Variants in P2RX1 observed in about 807,000 individuals in gnomAD.
The protein encoded by P2RX1 is P2X purinoceptor 1.
A neutral mutation model predicts 50.3 loss-of-function variants in P2RX1; 42 were observed. The observed-to-expected ratio is 0.83, with a 90% CI of 0.65 to 1.08. P2RX1 has a LOEUF of 1.08. Among genes scored for constraint, P2RX1 ranks in the 50% least tolerant of loss-of-function variants. P2RX1 has a pLI of 0.00. For missense variants in P2RX1, 449 were observed against 529.0 expected, an observed-to-expected ratio of 0.85 and a Z score of 1.48; for synonymous variants, 199 against 202.6, an observed-to-expected ratio of 0.98 and a Z score of 0.15.
intron 1 of P2RX1, among the ~76,000 whole-genome samples, chr17:3,905,588 G>A (rs562807375): frequency 1.2e-4 from 19 of 152,138 alleles, no homozygotes; most frequent in Non-Finnish European, 2.5e-4. Context: ...CAGGACGGGC[G>A]TGCCATCCCA....
rs2144102072 is a variant in P2RX1, at chr17:3,916,324, G to A, written c.-99C>T. ...CCACGTCGATGGTAGAGCTTCTGGG[G>A]GCTTCCTGGCCCCTTAGGAAGAGCA... On this transcript the variant is annotated 5_prime_UTR_variant, in exon 1 of 12. Transcript: ENST00000225538. 7.2e-7 allele frequency: 1 copy of A among 1,380,750 alleles called. No homozygotes were observed. The highest frequency in any genetic ancestry group is 1.4e-5 in the African/African-American group (1 of 69,598). The allele number at this position is 1,380,750 out of a possible 1,614,324, so 85.5% of individuals were successfully genotyped here. A position where few individuals can be genotyped will look rare whatever the true frequency, so the allele number is the denominator to read the frequency against.
intron 1 of P2RX1, 119 bp downstream of exon 1, chr17:3,915,970 G>A: frequency 2.5e-6 from 3 of 1,183,938 alleles, no homozygotes; most frequent in Middle Eastern, 1.9e-4. Flanking sequence ...TTGCCAGGAA[G>A]GCCTTCCCCT....
At chr17:3,915,942 C>A in intron 1 of P2RX1, 147 bp downstream of exon 1, 1 of 999,482 alleles carries the variant, frequency 1.0e-6, no homozygotes. Context: ...GCAGGATTTT[C>A]TATTCTCGCA....
Position 3,897,451 on chromosome 17 carries a change from T to C in P2RX1, c.*363A>G, listed in dbSNP as rs920113661. On this transcript the variant is annotated 3_prime_UTR_variant, in exon 12 of 12. Transcript: ENST00000225538. ...AATTTAGTCACCTATGGTTACTGAC[T>C]GCCACATCGGAGAGCACAGATCTAG... The C allele has an allele frequency of 6.7e-5, 26 of 385,260 alleles. No individual in the cohort carries two copies. In the South Asian group the frequency reaches 7.4e-4, roughly 11 times the overall value. The allele number at this position is 385,260 out of a possible 1,614,324, so 23.9% of individuals were successfully genotyped here.
chr17:3,897,775 G>A lies in P2RX1; in HGVS notation c.*39C>T. The A allele has an allele frequency of 6.3e-7, 1 of 1,594,004 alleles. No individual in the cohort carries two copies. On this transcript the variant is annotated 3_prime_UTR_variant, in exon 12 of 12. Transcript: ENST00000225538. ...GGACCCACCAGGGCTCCAGGCTGAAGCCTCACGCTGCACCCAGTCAGGAGT... is the reference window on the plus strand; with the variant it reads ...GGACCCACCAGGGCTCCAGGCTGAAACCTCACGCTGCACCCAGTCAGGAGT...
At chr17:3,911,383 T>G (rs1200418956) in intron 1 of P2RX1, among the ~76,000 whole-genome samples, 1 of 152,286 alleles carries the variant, frequency 6.6e-6, no homozygotes, top group East Asian at 1.9e-4. Flanking sequence ...CACTTCCCAC[T>G]TCTCTTGAGA....
intron 1 of P2RX1, among the ~76,000 whole-genome samples, chr17:3,906,632 C>T (rs576895282): frequency 8.8e-4 from 134 of 152,170 alleles, no homozygotes; most frequent in Non-Finnish European, 1.7e-3. Flanking sequence ...GCCCCTCGGT[C>T]GAGGCACTGT....
chr17:3,905,175 G>A, intron 2 of P2RX1, 45 bp downstream of exon 2: 1 of 1,604,798 alleles, frequency 6.2e-7, no homozygotes, highest in Non-Finnish European at 8.5e-7. Context: ...ACCCAACTCT[G>A]AGACAGGCCC....
chr17:3,905,948 G>A lies in P2RX1; in HGVS notation c.138-581C>T, dbSNP rs564795191. On this transcript the variant is annotated intron_variant, in intron 1 of 11. Coordinates refer to ENST00000225538, the MANE Select transcript of P2RX1 (RefSeq NM_002558.4). ...GAGTTTGCTGGGGCCTGGAGGCCAA[G>A]CCTCCTCCTTCCAGGGTGCTCCTCC... Among the ~76,000 whole-genome samples the A allele has an allele frequency of 4.0e-4, 61 of 151,962 alleles. 1 individual carries two copies. The highest frequency in any genetic ancestry group is 1.4e-3 in the African/African-American group (59 of 41,392).
At position 3,908,289 on chromosome 17, in the gene P2RX1, G is replaced by A. The variant is rs139376543; in HGVS notation, c.138-2922C>T. 5.9e-3 allele frequency among the ~76,000 whole-genome samples: 895 copies of A among 152,300 alleles called. 9 individuals carry two copies. Among genetic ancestry groups the A allele is most frequent in the African/African-American group, 0.02 (842 of 41,560 alleles). On this transcript the variant is annotated intron_variant, in intron 1 of 11. Coordinates refer to ENST00000225538, the MANE Select transcript of P2RX1 (RefSeq NM_002558.4). The stretch of plus-strand genomic sequence containing the variant: ...AATAGAATGACTATGGGCTGGGCGC[G>A]GTGGCTCATGCCTGTAATCTCAGCA...
chr17:3,910,038 G>A (rs1020084577), intron 1 of P2RX1, among the ~76,000 whole-genome samples: 5 of 146,612 alleles, frequency 3.4e-5, no homozygotes, highest in South Asian at 2.2e-4. Flanking sequence ...GCAATGAGGC[G>A]ATCTAGGCTC....
chr17:3,897,765 C>T lies in P2RX1; in HGVS notation c.*49G>A, dbSNP rs375567041. ...GCCCTGGCTGGGACCCACCAGGGCT[C>T]CAGGCTGAAGCCTCACGCTGCACCC... On this transcript the variant is annotated 3_prime_UTR_variant, in exon 12 of 12. Transcript: ENST00000225538. The T allele has an allele frequency of 1.3e-6, 2 of 1,571,910 alleles. No homozygotes were observed. Among genetic ancestry groups the T allele is most frequent in the African/African-American group, 1.4e-5 (1 of 73,936 alleles).
chr17:3,913,452 C>A (rs1479901396), intron 1 of P2RX1, among the ~76,000 whole-genome samples: 1 of 152,196 alleles, frequency 6.6e-6, no homozygotes, highest in Non-Finnish European at 1.5e-5. Context: ...TTAACTGGAT[C>A]TGAGAGGGTC....
Position 3,903,503 on chromosome 17 carries a change from A to G in P2RX1, c.605+48T>C. The stretch of plus-strand genomic sequence containing the variant: ...GACAGAGACAGCTGAGAGCTGCCGG[A>G]GCGGCCCCGGCCAGCTGCCTGCATT... On this transcript the variant is annotated intron_variant, in intron 6 of 11. Transcript: ENST00000225538. The surrounding 1 kb of genome is among the most constrained non-coding windows in gnomAD (Gnocchi z 4.6). 1 of 1,598,674 alleles carries G rather than the reference A, an allele frequency of 6.3e-7. No individual in the cohort carries two copies. Among genetic ancestry groups the G allele is most frequent in the East Asian group, 2.2e-5 (1 of 44,772 alleles).
At position 3,901,345 on chromosome 17, in the gene P2RX1, G is replaced by A. The variant is rs528854117; in HGVS notation, c.748-1584C>T. On this transcript the variant is annotated intron_variant, in intron 7 of 11. Coordinates refer to ENST00000225538, the MANE Select transcript of P2RX1 (RefSeq NM_002558.4). ...GCCTCCCAAAGTGCTGGGATTACAG[G>A]CGTGAGCCACCGCACCCAGCCCTGA... 1.1e-4 allele frequency among the ~76,000 whole-genome samples: 16 copies of A among 152,358 alleles called. No homozygotes were observed. In the South Asian group the frequency reaches 2.5e-3, roughly 24 times the overall value.
chr17:3,906,158 G>A (rs538815519), intron 1 of P2RX1, among the ~76,000 whole-genome samples: 8 of 151,950 alleles, frequency 5.3e-5, no homozygotes, highest in African/African-American at 7.2e-5. Context: ...TTGAGACGGA[G>A]TCTCGCTTTG....
In P2RX1 at chr17:3,904,354, C is replaced by T. The variant is rs1274877243; in HGVS notation, c.403G>A (p.Gly135Arg). 7 of 1,613,922 alleles carry T rather than the reference C, an allele frequency of 4.3e-6. No homozygotes were observed. Among genetic ancestry groups the T allele is most frequent in the Non-Finnish European group, 4.2e-6 (5 of 1,179,982 alleles). Reference protein sequence around the residue: ...ICKEDSGCTPGKAKRKAQGIR... With the variant: ...ICKEDSGCTPRKAKRKAQGIR... The stretch of plus-strand genomic sequence containing the variant: ...CCTTGGGCCTTCCTCTTGGCCTTCC[C>T]AGGGGTACAGCCACTGTCTTCCTTG... Residue 135 changes from glycine to arginine, a missense_variant, in exon 4 of 12, where the codon GGG (glycine) becomes AGG (arginine). Coordinates refer to ENST00000225538, the MANE Select transcript of P2RX1 (RefSeq NM_002558.4).
chr17:3,905,435 A>G (rs2144022191), intron 1 of P2RX1, 68 bp from the exon 2 acceptor site: 2 of 1,577,216 alleles, frequency 1.3e-6, no homozygotes, highest in African/African-American at 2.7e-5. Context: ...ACGCTTTCCC[A>G]CGCCCTCCCC....
intron 1 of P2RX1, 110 bp downstream of exon 1, chr17:3,915,979 C>T (rs1451920493): frequency 2.3e-6 from 3 of 1,313,710 alleles, no homozygotes; most frequent in Non-Finnish European, 3.2e-6. Context: ...AGGCCTTCCC[C>T]TGGATGGAGA....
Sources: allele counts gnomAD v4.1 joint callset (sites outside exome capture counted in the v4.1 genomes callset), GRCh38; gene constraint gnomAD v4.1.1; non-coding constraint Gnocchi (gnomAD v3.1); transcripts MANE v1.5; gene names NCBI Gene and HGNC (gene_info 2026-07-23, HGNC 2026-07-21).